ZNFX1: variants seen among roughly 807,000 people sequenced by gnomAD.
ZNFX1 encodes the protein NFX1-type zinc finger-containing protein 1.
ZNFX1 carries 78 observed loss-of-function variants against 179.8 expected under a neutral mutation model. The ratio of observed to expected loss-of-function variants is 0.43; its 90% CI spans 0.36 to 0.52. The LOEUF (loss-of-function observed/expected upper bound fraction) is 0.52. Ranked by LOEUF, ZNFX1 falls within the 20% of genes least tolerant of loss-of-function variation. The probability of loss-of-function intolerance (pLI) is 0.00; values close to 1 mark genes in which losing one functional copy is unlikely to be tolerated. For missense variants in ZNFX1, 1,927 were observed against 2,386.6 expected (o/e 0.81, Z 4.01); for synonymous variants, 848 against 868.5 (o/e 0.98, Z 0.42).
rs773494872 is a variant in ZNFX1 at position 49,253,771 on chromosome 20, C to T, written c.3000G>A (p.Pro1000=). The T allele has an allele frequency of 1.7e-5, 28 of 1,614,038 alleles. No homozygotes were observed. In the Admixed American group the frequency reaches 2.8e-4, roughly 16 times the overall value. Residue 1000 remains proline (P), a synonymous_variant, in exon 11 of 14, where the codon CCG becomes CCA. Transcript: ENST00000396105. ...KYRQILQKVE[P]RIVIVEEAAE... ...CAGCTTCTTCCACTATGACAATCCTCGGCTCCACCTTCTGTAGGATCTGGC... is the reference window on the plus strand; with the variant it reads ...CAGCTTCTTCCACTATGACAATCCTTGGCTCCACCTTCTGTAGGATCTGGC...
chr20:49,265,236 C>G (rs1160377526), intron 4 of ZNFX1, among the ~76,000 whole-genome samples: 2 of 152,198 alleles, frequency 1.3e-5, no homozygotes, highest in Non-Finnish European at 2.9e-5. Context: ...CTTTAAAGCT[C>G]CTAGCTAGGG....
chr20:49,272,253 CT>C (rs1941784210), intron 2 of ZNFX1, among the ~76,000 whole-genome samples: 1 of 151,382 alleles, frequency 6.6e-6, no homozygotes. Flanking sequence ...TCTCAGCTCA[CT>C]GCAACCTCTG....
chr20:49,271,940 A>G (rs1168119610), intron 2 of ZNFX1, among the ~76,000 whole-genome samples, 190 bp from the exon 3 acceptor site: 1 of 152,162 alleles, frequency 6.6e-6, no homozygotes, highest in Admixed American at 6.5e-5. Flanking sequence ...GGTTAGGAAA[A>G]TATTATTTTT....
intron 10 of ZNFX1, 76 bp downstream of exon 10, chr20:49,254,419 C>T: frequency 6.4e-7 from 1 of 1,558,056 alleles, no homozygotes; most frequent in Non-Finnish European, 8.8e-7. Context: ...AGAAGCTCCT[C>T]TTTACCTGTC....
At chr20:49,275,134 AT>A (rs1324064135) in intron 2 of ZNFX1, among the ~76,000 whole-genome samples, 7 of 148,902 alleles carry the variant, frequency 4.7e-5, no homozygotes, top group Non-Finnish European at 9.0e-5. Flanking sequence ...AAAAAAAAAA[AT>A]AAAATAAAAA....
intron 1 of ZNFX1, among the ~76,000 whole-genome samples, chr20:49,277,519 T>G: frequency 1.5e-5 from 2 of 135,240 alleles, no homozygotes; most frequent in African/African-American, 2.9e-5. Context: ...GGGGTGCGAG[T>G]GGCAGAAGGG....
intron 11 of ZNFX1, among the ~76,000 whole-genome samples, 160 bp downstream of exon 11, chr20:49,253,506 T>C (rs1395364703): frequency 6.6e-6 from 1 of 152,084 alleles, no homozygotes. Flanking sequence ...CCAAATCTAA[T>C]AGCATCTGCT....
In ZNFX1 at chr20:49,271,530, G is replaced by C. The variant is rs959593755; in HGVS notation, c.282C>G (p.Asp94Glu). ...QEGHASDEAR[D>E]QRHDQENDTR... ...TGTCATTCTCCTGGTCATGTCTTTG[G>C]TCTCTAGCTTCGTCGCTGGCATGCC... Residue 94 changes from aspartate (D) to glutamate (E), a missense_variant, in exon 3 of 14, where the codon GAC (aspartate) becomes GAG (glutamate). Coordinates refer to ENST00000396105, the MANE Select transcript of ZNFX1 (RefSeq NM_021035.3). 2.5e-6 allele frequency: 4 copies of C among 1,614,130 alleles called. No homozygotes were observed. The highest frequency in any genetic ancestry group is 3.4e-6 in the Non-Finnish European group (4 of 1,180,004).
intron 3 of ZNFX1, among the ~76,000 whole-genome samples, chr20:49,266,943 C>A (rs1981248594): frequency 6.6e-6 from 1 of 152,148 alleles, no homozygotes; most frequent in Non-Finnish European, 1.5e-5. Context: ...GTTGCCCAGG[C>A]TGGAATGCAA....
chr20:49,268,042 T>A (rs560594285), intron 3 of ZNFX1, among the ~76,000 whole-genome samples: 1 of 152,056 alleles, frequency 6.6e-6, no homozygotes, highest in African/African-American at 2.4e-5. Context: ...CCCGGCTAAT[T>A]TTTTTATATT....
chr20:49,258,680 C>T (rs1052848990), intron 7 of ZNFX1, among the ~76,000 whole-genome samples: 1 of 151,486 alleles, frequency 6.6e-6, no homozygotes, highest in Non-Finnish European at 1.5e-5. Context: ...GTGGCGCATG[C>T]CTGTATTTCT....
chr20:49,263,284 C>G lies in ZNFX1; in HGVS notation c.2301+50G>C, dbSNP rs1568985295. 1.9e-6 allele frequency: 3 copies of G among 1,594,186 alleles called. No homozygotes were observed. The East Asian group carries it at 6.7e-5, about 36-fold the overall frequency. On this transcript the variant is annotated intron_variant, in intron 6 of 13. Coordinates refer to ENST00000396105, the MANE Select transcript of ZNFX1 (RefSeq NM_021035.3). ...CTGATGCTTCTCCTGGAGGCTACCT[C>G]AAAGTACTGAGGCCAGAGACATATT...
At chr20:49,251,464 G>A in intron 13 of ZNFX1, 63 bp downstream of exon 13, 4 of 1,495,318 alleles carry the variant, frequency 2.7e-6, no homozygotes, top group African/African-American at 1.4e-5. Context: ...TTTATCTTGA[G>A]GAAATTATAG....
At chr20:49,259,860 A>T (rs1390431056) in intron 7 of ZNFX1, among the ~76,000 whole-genome samples, 2 of 152,252 alleles carry the variant, frequency 1.3e-5, no homozygotes, top group Non-Finnish European at 2.9e-5. Context: ...CATTGAAGAA[A>T]TGTTGATGAA....
At chr20:49,255,105 C>T (rs140516453) in intron 9 of ZNFX1, among the ~76,000 whole-genome samples, 2,009 of 148,016 alleles carry the variant, frequency 0.014, 25 homozygotes, top group Non-Finnish European at 0.021. Context: ...AGTGCAATGG[C>T]GTGATCTTGG....
At position 49,249,463 on chromosome 20, in the gene ZNFX1, G is replaced by A; in HGVS notation, c.3561C>T (p.Tyr1187=). 1.2e-6 allele frequency: 2 copies of A among 1,614,202 alleles called. No homozygotes were observed. Among genetic ancestry groups the A allele is most frequent in the Admixed American group, 1.7e-5 (1 of 60,020 alleles). ...AGVRVHVVDK[Y]QGEENDIILL... Reference sequence around the variant, plus strand: ...GGATGATGTCATTCTCTTCCCCTTGGTATTTGTCCACAACATGGACCCTGA... The same window carrying A: ...GGATGATGTCATTCTCTTCCCCTTGATATTTGTCCACAACATGGACCCTGA... The change falls in exon 14 of 14, where the codon TAC becomes TAT. Residue 1187 remains tyrosine, a synonymous_variant. Transcript: ENST00000396105.
In ZNFX1 at chr20:49,247,443, C is replaced by G. The variant is rs775671046; in HGVS notation, c.5581G>C (p.Gly1861Arg). 1 of 1,614,096 alleles carries G rather than the reference C, an allele frequency of 6.2e-7. No individual in the cohort carries two copies. The highest frequency in any genetic ancestry group is 1.3e-5 in the African/African-American group (1 of 74,942). Residue 1861 changes from glycine (G) to arginine (R), a missense_variant, in exon 14 of 14, where the codon GGG becomes CGG. Transcript: ENST00000396105. ...CACGTGCCCCTCTCCATGGCTCCCCCACAATCGCCAATCACATAGATATGG... is the reference window on the plus strand; with the variant it reads ...CACGTGCCCCTCTCCATGGCTCCCCGACAATCGCCAATCACATAGATATGG... ...NGHIYVIGDC[G>R]GAMERGTCPD...
chr20:49,259,609 A>C (rs958739593), intron 7 of ZNFX1, among the ~76,000 whole-genome samples: 10 of 151,168 alleles, frequency 6.6e-5, no homozygotes, highest in Admixed American at 1.3e-4. Context: ...TTTTTTTTTT[A>C]GTAAAGACAG....
chr20:49,263,739 C>G (rs920452404), intron 5 of ZNFX1, among the ~76,000 whole-genome samples: 2 of 152,134 alleles, frequency 1.3e-5, no homozygotes, highest in African/African-American at 4.8e-5. Context: ...CACTTGAGGT[C>G]TGTAGTTCAA....
Sources: allele counts gnomAD v4.1 joint callset (sites outside exome capture counted in the v4.1 genomes callset), GRCh38; gene constraint gnomAD v4.1.1; transcripts MANE v1.5; gene names NCBI Gene and HGNC (gene_info 2026-07-23, HGNC 2026-07-21).